The following SLC15A2 variants were observed in gnomAD, a reference collection of about 807,000 sequenced individuals.
The protein encoded by SLC15A2 is solute carrier family 15 member 2.
SLC15A2 carries 77 observed loss-of-function variants against 95.5 expected under a neutral mutation model. That is an observed-to-expected ratio of 0.81 (90% CI 0.67 to 0.97). SLC15A2 has a LOEUF of 0.97. SLC15A2 is among the 50% of genes least tolerant of loss of function. The probability of loss-of-function intolerance (pLI) is 0.00; values close to 1 mark genes in which losing one functional copy is unlikely to be tolerated. For missense variants in SLC15A2, 893 were observed against 874.4 expected (o/e 1.02, Z -0.27); for synonymous variants, 306 against 306.9 (o/e 1.00, Z 0.03).
At chr3:121,924,018 G>T (rs896778950) in intron 11 of SLC15A2, among the ~76,000 whole-genome samples, 3 of 152,098 alleles carry the variant, frequency 2.0e-5, no homozygotes, top group Non-Finnish European at 4.4e-5. Context: ...ATGATGTCTT[G>T]CCCTTCATAT....
chr3:121,901,238 C>G (rs966229185), intron 3 of SLC15A2, among the ~76,000 whole-genome samples: 1 of 152,036 alleles, frequency 6.6e-6, no homozygotes, highest in Non-Finnish European at 1.5e-5. Flanking sequence ...AGGCTGGTCT[C>G]GAACTCGACC....
intron 19 of SLC15A2, among the ~76,000 whole-genome samples, chr3:121,938,278 T>C (rs1233220025): frequency 6.6e-6 from 1 of 152,248 alleles, no homozygotes; most frequent in African/African-American, 2.4e-5. Flanking sequence ...CGCCTTGAGC[T>C]GTGGTGGGCT....
At chr3:121,915,104 G>A (rs1311549006) in intron 5 of SLC15A2, 123 bp from the exon 6 acceptor site, 17 of 1,098,494 alleles carry the variant, frequency 1.5e-5, no homozygotes, top group Non-Finnish European at 2.1e-5. Context: ...ATGAAATTCA[G>A]GTATTGTGGA....
At chr3:121,909,901 G>A (rs1211216337) in intron 3 of SLC15A2, among the ~76,000 whole-genome samples, 1 of 152,066 alleles carries the variant, frequency 6.6e-6, no homozygotes, top group East Asian at 1.9e-4. Context: ...GCCCAGGGAA[G>A]CCAAAAGATT....
intron 3 of SLC15A2, among the ~76,000 whole-genome samples, chr3:121,900,481 G>T (rs1709500269): frequency 6.6e-6 from 1 of 152,134 alleles, no homozygotes; most frequent in Non-Finnish European, 1.5e-5. Context: ...AAGAAATCCT[G>T]ATCACATTAC....
rs773190209 is a variant in SLC15A2, at chr3:121,897,515, G to A, written c.321G>A (p.Trp107Ter). Residue 107 changes from tryptophan (W) to a stop codon, truncating the protein, a stop_gained, in exon 3 of 22, where the codon TGG becomes TGA. Transcript: ENST00000489711. LOFTEE classifies it high-confidence loss of function. ...TGGGAGCAGCCATTGCTGACTCGTG[G>A]TTGGGAAAATTCAAGTAAGGAAGAT... ...PILGAAIADS[W>*]LGKFKTIIYL... The A allele has an allele frequency of 3.1e-6, 5 of 1,613,976 alleles. No individual in the cohort carries two copies. The South Asian group carries it at 4.4e-5, about 14-fold the overall frequency.
At chr3:121,936,196 A>G (rs1193297675) in intron 19 of SLC15A2, among the ~76,000 whole-genome samples, 1 of 152,096 alleles carries the variant, frequency 6.6e-6, no homozygotes, top group Admixed American at 6.5e-5. Context: ...TATGTGGTCA[A>G]TTTTGGAATA....
intron 3 of SLC15A2, among the ~76,000 whole-genome samples, chr3:121,901,194 T>A (rs1709513565): frequency 6.6e-6 from 1 of 152,028 alleles, no homozygotes; most frequent in African/African-American, 2.4e-5. Context: ...AATTTTTGTA[T>A]TTTTAGTAGA....
At chr3:121,922,642 C>T in intron 8 of SLC15A2, 133 bp from the exon 9 acceptor site, 1 of 574,298 alleles carries the variant, frequency 1.7e-6, no homozygotes, top group South Asian at 3.0e-5. Context: ...TTCTGAAATT[C>T]AATGCCTGAT....
At position 121,915,289 on chromosome 3, in the gene SLC15A2, T is replaced by G; in HGVS notation, c.591T>G (p.Ile197Met). Residue 197 changes from isoleucine to methionine, a missense_variant, in exon 6 of 22, where the codon ATT (isoleucine) becomes ATG (methionine). Physicochemically the swap from Ile to Met is conservative, Grantham distance 10. Transcript: ENST00000489711. ...TGTCCATCAATGCAGGGAGCTTGAT[T>G]TCTACATTTATCACACCCATGCTGA... is the stretch of plus-strand genomic sequence containing the variant. ...FYLSINAGSL[I>M]STFITPMLRG... 1 of 1,612,996 alleles carries G rather than the reference T, an allele frequency of 6.2e-7. No individual in the cohort carries two copies.
Position 121,941,076 on chromosome 3 carries a change from G to A in SLC15A2, c.*69G>A. On this transcript the variant is annotated 3_prime_UTR_variant, in exon 22 of 22. Coordinates refer to ENST00000489711, the MANE Select transcript of SLC15A2 (RefSeq NM_021082.4). ...TTGAAGCATTTTTTTTCTTCTACTGGATTAGACAAGAGAGATAGCAGCATA... is the reference window on the plus strand; with the variant it reads ...TTGAAGCATTTTTTTTCTTCTACTGAATTAGACAAGAGAGATAGCAGCATA... 1.4e-6 allele frequency: 2 copies of A among 1,407,006 alleles called. No homozygotes were observed. Among genetic ancestry groups the A allele is most frequent in the Non-Finnish European group, 2.0e-6 (2 of 1,025,536 alleles). 87.2% of individuals were successfully genotyped at this position (1,407,006 alleles called of 1,614,324 possible).
At chr3:121,928,866 G>A in intron 15 of SLC15A2, 116 bp from the exon 16 acceptor site, 4 of 1,119,724 alleles carry the variant, frequency 3.6e-6, no homozygotes, top group Non-Finnish European at 5.1e-6. Context: ...TTAAAGAAAG[G>A]AATTACTAGG....
intron 3 of SLC15A2, among the ~76,000 whole-genome samples, chr3:121,907,640 A>G (rs1576673228): frequency 6.6e-6 from 1 of 152,330 alleles, no homozygotes; most frequent in African/African-American, 2.4e-5. Context: ...GGAGTTTGCT[A>G]GAAGTCCACT....
Position 121,941,007 on chromosome 3 carries a change from A to G in SLC15A2, c.2190A>G (p.Ter730TrpextTer1). The G allele has an allele frequency of 1.9e-6, 3 of 1,612,270 alleles. No homozygotes were observed. The South Asian group carries it at 3.3e-5, about 18-fold the overall frequency. ...TAGAGACCAAGAAGACAAAACTCTG[A>G]TGACTCCCTAGATTCTGTCCTGACC... ...IKLETKKTKL[*>W] Residue 730 changes from the stop codon to tryptophan, a stop_lost, in exon 22 of 22, where the codon TGA becomes TGG. Coordinates refer to ENST00000489711, the MANE Select transcript of SLC15A2 (RefSeq NM_021082.4).
intron 3 of SLC15A2, among the ~76,000 whole-genome samples, chr3:121,903,197 T>A (rs1709552942): frequency 6.6e-6 from 1 of 151,464 alleles, no homozygotes; most frequent in African/African-American, 2.4e-5. Flanking sequence ...TTTTTGATGG[T>A]GTTGTTTTTT....
At chr3:121,896,923 G>T (rs533332144) in intron 2 of SLC15A2, among the ~76,000 whole-genome samples, 4 of 149,080 alleles carry the variant, frequency 2.7e-5, no homozygotes, top group South Asian at 4.3e-4. Context: ...AAAAAAAGGG[G>T]GGGGAGGGAA....
At chr3:121,917,022 G>A (rs967706587) in intron 7 of SLC15A2, among the ~76,000 whole-genome samples, 11 of 151,858 alleles carry the variant, frequency 7.2e-5, no homozygotes, top group Non-Finnish European at 1.6e-4. Flanking sequence ...GGGTTTCACC[G>A]TGTTAGCCAG....
chr3:121,899,823 TC>T (rs1709490143), intron 3 of SLC15A2, among the ~76,000 whole-genome samples: 1 of 152,174 alleles, frequency 6.6e-6, no homozygotes, highest in Non-Finnish European at 1.5e-5. Flanking sequence ...TCATCTTTTT[TC>T]CTTCTGAAAT....
chr3:121,920,161 T>C (rs1709976010), intron 7 of SLC15A2, among the ~76,000 whole-genome samples: 1 of 152,236 alleles, frequency 6.6e-6, no homozygotes, highest in South Asian at 2.1e-4. Context: ...AGTCTTCCTA[T>C]TATCACTCCA....
Sources: allele counts gnomAD v4.1 joint callset (sites outside exome capture counted in the v4.1 genomes callset), GRCh38; gene constraint gnomAD v4.1.1; transcripts MANE v1.5; gene names NCBI Gene and HGNC (gene_info 2026-07-23, HGNC 2026-07-21).